The following DDAH1 variants were observed in gnomAD, a reference collection of about 807,000 sequenced individuals.
DDAH1 encodes dimethylarginine dimethylaminohydrolase 1.
A neutral mutation model predicts 28.8 loss-of-function variants in DDAH1; 19 were observed. The ratio of observed to expected loss-of-function variants is 0.66; its 90% CI spans 0.46 to 0.97. The LOEUF is 0.97. Ranked by LOEUF, DDAH1 falls within the 50% of genes least tolerant of loss-of-function variation. DDAH1 has a pLI of 0.00. For missense variants in DDAH1, 326 were observed against 375.9 expected, an observed-to-expected ratio of 0.87 and a Z score of 1.10; for synonymous variants, 153 against 154.4, an observed-to-expected ratio of 0.99 and a Z score of 0.07.
chr1:85,512,796 A>T (rs966025073), intron 1 of DDAH1, among the ~76,000 whole-genome samples: 15 of 152,198 alleles, frequency 9.9e-5, no homozygotes, highest in Non-Finnish European at 1.9e-4. Flanking sequence ...CTTACAAGGG[A>T]TGTGAAGGAC....
intron 1 of DDAH1, among the ~76,000 whole-genome samples, chr1:85,449,354 A>G (rs189356130): frequency 6.6e-6 from 1 of 152,288 alleles, no homozygotes; most frequent in Admixed American, 6.5e-5. Flanking sequence ...GGTCTTTTGC[A>G]GGGAATCTAG....
chr1:85,505,095 C>T (rs987503719), intron 1 of DDAH1, among the ~76,000 whole-genome samples: 2 of 150,220 alleles, frequency 1.3e-5, no homozygotes, highest in Non-Finnish European at 3.0e-5. Context: ...AAGCGATTCT[C>T]CTCCCTCAGC....
intron 2 of DDAH1, among the ~76,000 whole-genome samples, chr1:85,476,468 G>C (rs540421364): frequency 1.3e-5 from 2 of 152,080 alleles, no homozygotes; most frequent in Non-Finnish European, 2.9e-5. Context: ...TAGTGCCTCA[G>C]TGTTGTTCAG....
chr1:85,503,908 G>A (rs930175245), intron 1 of DDAH1, among the ~76,000 whole-genome samples: 4 of 152,236 alleles, frequency 2.6e-5, no homozygotes, highest in African/African-American at 7.2e-5. Flanking sequence ...GCAATGTAAC[G>A]ATCCAGGAGG....
intron 1 of DDAH1, among the ~76,000 whole-genome samples, chr1:85,566,863 G>C (rs932779985): frequency 4.6e-5 from 7 of 152,128 alleles, no homozygotes; most frequent in African/African-American, 1.7e-4. Context: ...TGTGAGTATG[G>C]AGGCTGACAA....
At chr1:85,538,809 A>G (rs1199404287) in intron 1 of DDAH1, among the ~76,000 whole-genome samples, 2 of 152,218 alleles carry the variant, frequency 1.3e-5, no homozygotes, top group African/African-American at 4.8e-5. Context: ...GTTCCTACCA[A>G]TTTGTGTTTA....
intron 1 of DDAH1, among the ~76,000 whole-genome samples, chr1:85,574,310 G>A (rs969722411): frequency 5.9e-5 from 9 of 151,426 alleles, no homozygotes; most frequent in African/African-American, 1.7e-4. Flanking sequence ...TTATCTTATA[G>A]ACAAGGAAAC....
At chr1:85,509,944 A>G (rs1282624053) in intron 1 of DDAH1, among the ~76,000 whole-genome samples, 2 of 152,204 alleles carry the variant, frequency 1.3e-5, no homozygotes, top group South Asian at 2.1e-4. Context: ...AACTTCCCCA[A>G]CCTAGCAAGG....
chr1:85,383,629 G>C (rs2100913128), intron 1 of DDAH1, among the ~76,000 whole-genome samples: 1 of 152,302 alleles, frequency 6.6e-6, no homozygotes, highest in Non-Finnish European at 1.5e-5. Flanking sequence ...TTCTTACAGA[G>C]AAATGTTTCA....
At chr1:85,494,669 A>G (rs1656519818) in intron 2 of DDAH1, 1 of 152,276 alleles carries the variant, frequency 6.6e-6, no homozygotes, top group African/African-American at 2.4e-5. Context: ...AGATGAAGGA[A>G]GTGAACGCTC....
intron 1 of DDAH1, among the ~76,000 whole-genome samples, chr1:85,540,774 A>G (rs1265470589): frequency 6.6e-6 from 1 of 152,012 alleles, no homozygotes; most frequent in Non-Finnish European, 1.5e-5. Context: ...CCTGGCCAAC[A>G]TGGTGAAGCC....
chr1:85,569,451 C>A (rs570428308), intron 1 of DDAH1, among the ~76,000 whole-genome samples: 57 of 152,340 alleles, frequency 3.7e-4, no homozygotes, highest in African/African-American at 1.3e-3. Flanking sequence ...ATGTTCTAAG[C>A]TTTCCAACAT....
chr1:85,355,405 A>C (rs1182179069), intron 2 of DDAH1, among the ~76,000 whole-genome samples: 1 of 152,184 alleles, frequency 6.6e-6, no homozygotes, highest in Non-Finnish European at 1.5e-5. Flanking sequence ...GATAACAAGA[A>C]ATATAAATTA....
intron 1 of DDAH1, among the ~76,000 whole-genome samples, chr1:85,499,171 A>G (rs140420928): frequency 1.8e-3 from 268 of 152,320 alleles, no homozygotes; most frequent in Non-Finnish European, 3.2e-3. Context: ...TGTATAAAGC[A>G]TAAGTATAAA....
At chr1:85,358,700 C>G in intron 2 of DDAH1, 48 bp downstream of exon 2, 1 of 1,298,130 alleles carries the variant, frequency 7.7e-7, no homozygotes, top group Non-Finnish European at 1.1e-6. Flanking sequence ...TAAATACAAG[C>G]CAAGTATTAA....
intron 1 of DDAH1, chr1:85,521,689 A>T (rs940332): frequency 2.0e-6 from 2 of 983,306 alleles, no homozygotes; most frequent in Non-Finnish European, 2.4e-6. Context: ...CTTCTCCTCC[A>T]GCAGGTCTCG....
intron 1 of DDAH1, among the ~76,000 whole-genome samples, chr1:85,433,091 C>T (rs573324737): frequency 6.6e-6 from 1 of 152,102 alleles, no homozygotes; most frequent in Non-Finnish European, 1.5e-5. Context: ...TGCATACGTA[C>T]ATGCATACAT....
At chr1:85,555,464 T>C (rs567155419) in intron 1 of DDAH1, among the ~76,000 whole-genome samples, 1 of 152,308 alleles carries the variant, frequency 6.6e-6, no homozygotes, top group South Asian at 2.1e-4. Flanking sequence ...CACAAACACA[T>C]ACACACAATC....
intron 1 of DDAH1, among the ~76,000 whole-genome samples, chr1:85,562,463 C>T (rs1249887494): frequency 6.6e-6 from 1 of 152,078 alleles, no homozygotes; most frequent in African/African-American, 2.4e-5. Context: ...ATCCTAAGGC[C>T]TAGTACCTGA....
Sources: allele counts gnomAD v4.1 joint callset (sites outside exome capture counted in the v4.1 genomes callset), GRCh38; gene constraint gnomAD v4.1.1; transcripts MANE v1.5; gene names NCBI Gene and HGNC (gene_info 2026-07-23, HGNC 2026-07-21).